The following SAXO1 variants were observed in gnomAD, a reference collection of about 807,000 sequenced individuals.
SAXO1 encodes the protein stabilizer of axonemal microtubules 1, also known as 4930500O09Rik.
A neutral mutation model predicts 17.5 loss-of-function variants in SAXO1; 21 were observed. The observed-to-expected ratio is 1.20, with a 90% confidence interval of 0.85 to 1.72. The LOEUF is 1.72. Ranked by LOEUF, SAXO1 falls within the 40% of genes most tolerant of loss-of-function variation. The probability of loss-of-function intolerance (pLI) is 0.00; values close to 1 mark genes in which losing one functional copy is unlikely to be tolerated. For synonymous variants in SAXO1, 274 were observed against 216.5 expected, an observed-to-expected ratio of 1.27 and a Z score of -2.33; for missense variants, 843 against 596.0, an observed-to-expected ratio of 1.41 and a Z score of -4.32.
chr9:19,040,969 A>G (rs778822632), intron 1 of SAXO1, among the ~76,000 whole-genome samples: 30 of 148,672 alleles, frequency 2.0e-4, no homozygotes, highest in Non-Finnish European at 2.8e-4. Context: ...TTCAGAATAA[A>G]GGGCATCCAA....
intron 1 of SAXO1, among the ~76,000 whole-genome samples, chr9:18,993,084 G>T (rs1833871939): frequency 6.6e-6 from 1 of 151,984 alleles, no homozygotes; most frequent in Non-Finnish European, 1.5e-5. Flanking sequence ...ACTGGTGTGG[G>T]CCACCATGCC....
At chr9:19,031,203 T>G (rs1162644400) in intron 1 of SAXO1, among the ~76,000 whole-genome samples, 1 of 152,236 alleles carries the variant, frequency 6.6e-6, no homozygotes, top group Non-Finnish European at 1.5e-5. Flanking sequence ...ATGGAGACTA[T>G]GTCTTATACA....
chr9:18,928,096 C>A lies in SAXO1; in HGVS notation c.1381G>T (p.Asp461Tyr). 1.9e-6 allele frequency: 3 copies of A among 1,612,552 alleles called. No homozygotes were observed. In the East Asian group the frequency reaches 6.7e-5, roughly 36 times the overall value. ...SQQSSHLSVD[D>Y]SENPNQRELE... ...TCCCTCTGGTTGGGGTTTTCTGAAT[C>A]ATCTACAGAAAGATGGCTGCTCTGC... The change falls in exon 4 of 4, where the codon GAT (aspartate) becomes TAT (tyrosine). Residue 461 changes from aspartate to tyrosine, a missense_variant. Transcript: ENST00000380534.
In SAXO1 at chr9:18,928,238, A is replaced by G. The variant is rs1215688684; in HGVS notation, c.1239T>C (p.Thr413=). 6.2e-7 allele frequency: 1 copy of G among 1,614,102 alleles called. No individual in the cohort carries two copies. The highest frequency in any genetic ancestry group is 1.1e-5 in the South Asian group (1 of 91,068). The change falls in exon 4 of 4, where the codon ACT becomes ACC. Residue 413 remains threonine, a synonymous_variant. Transcript: ENST00000380534. The stretch of plus-strand genomic sequence containing the variant: ...CTAGGCACCTGCCCATTTCCTTGGG[A>G]GTAAAGCTGATGGTGTAGGTGGTCT... ...ESQTTYTISF[T]PKEMGRCLAS... is the part of the protein sequence containing the mutation.
intron 1 of SAXO1, among the ~76,000 whole-genome samples, chr9:18,986,131 T>G (rs1175706571): frequency 1.3e-5 from 2 of 152,228 alleles, no homozygotes; most frequent in Non-Finnish European, 2.9e-5. Context: ...GGTCCTTCTG[T>G]GATAATATGC....
chr9:18,928,748 G>C lies in SAXO1; in HGVS notation c.729C>G (p.Ser243=), dbSNP rs1830900876. The C allele has an allele frequency of 6.2e-7, 1 of 1,614,142 alleles. No individual in the cohort carries two copies. The highest frequency in any genetic ancestry group is 8.5e-7 in the Non-Finnish European group (1 of 1,180,026). The stretch of plus-strand genomic sequence containing the variant: ...CAGGCTCCCCCATCAGGCCCCGGTA[G>C]GATTGTTTTTGAGTGGTAAGGCTTT... ...PFESLTTQKQ[S]YRGLMGEPAK... is the part of the protein sequence containing the mutation. The change falls in exon 4 of 4, where the codon TCC becomes TCG. Residue 243 remains serine (S), a synonymous_variant. Transcript: ENST00000380534.
At chr9:18,968,125 A>G (rs550006484) in intron 1 of SAXO1, among the ~76,000 whole-genome samples, 8 of 152,318 alleles carry the variant, frequency 5.3e-5, no homozygotes, top group African/African-American at 1.7e-4. Flanking sequence ...CTCAGTTGGA[A>G]ATGCAGAAAT....
chr9:19,005,449 G>C (rs1372203996), intron 1 of SAXO1, among the ~76,000 whole-genome samples: 1 of 152,150 alleles, frequency 6.6e-6, no homozygotes, highest in Non-Finnish European at 1.5e-5. Flanking sequence ...CAGTGGTATA[G>C]AATAGAGCCC....
chr9:19,031,899 C>A (rs1053712266), intron 1 of SAXO1, among the ~76,000 whole-genome samples: 2 of 152,166 alleles, frequency 1.3e-5, no homozygotes, highest in Admixed American at 1.3e-4. Context: ...CCCTTTAATT[C>A]TCCACACTAC....
At chr9:19,027,861 T>C in intron 1 of SAXO1, 3 of 1,365,070 alleles carry the variant, frequency 2.2e-6, no homozygotes, top group Non-Finnish European at 3.1e-6. Context: ...CCCGCCCTGC[T>C]ACGCTAGGGC....
chr9:18,988,913 T>C lies in SAXO1; in HGVS notation c.39-37976A>G, dbSNP rs149823018. Among the ~76,000 whole-genome samples, 8 of 152,302 alleles carry C rather than the reference T, an allele frequency of 5.3e-5. No individual in the cohort carries two copies. The East Asian group carries it at 1.2e-3, about 22-fold the overall frequency. On this transcript the variant is annotated intron_variant, in intron 1 of 3. Coordinates refer to ENST00000380534, the MANE Select transcript of SAXO1 (RefSeq NM_153707.4). ...ACCCAAATCATGGTGTACCTGAGCA[T>C]AGTTTGTGAAAATAATTATTAATCA...
chr9:18,966,952 T>C (rs558478045), intron 1 of SAXO1, among the ~76,000 whole-genome samples: 1 of 152,360 alleles, frequency 6.6e-6, no homozygotes, highest in East Asian at 1.9e-4. Context: ...TTTGTTGATA[T>C]TGATGCTATT....
intron 1 of SAXO1, among the ~76,000 whole-genome samples, chr9:18,997,369 G>T (rs549013287): frequency 1.3e-5 from 2 of 152,370 alleles, no homozygotes; most frequent in East Asian, 3.9e-4. Flanking sequence ...ATCAACCTGG[G>T]ATGCTGGAGT....
At chr9:19,041,025 G>A (rs1189656062) in intron 1 of SAXO1, among the ~76,000 whole-genome samples, 1 of 151,482 alleles carries the variant, frequency 6.6e-6, no homozygotes, top group East Asian at 1.9e-4. Context: ...CAGATGATAT[G>A]TTCTTATATT....
intron 1 of SAXO1, among the ~76,000 whole-genome samples, chr9:18,990,660 C>G (rs369847825): frequency 6.6e-6 from 1 of 152,168 alleles, no homozygotes; most frequent in Non-Finnish European, 1.5e-5. Flanking sequence ...GAGTGGCAGG[C>G]GAGCAAGTGA....
intron 1 of SAXO1, among the ~76,000 whole-genome samples, chr9:19,025,538 T>C (rs1468814179): frequency 6.6e-6 from 1 of 152,216 alleles, no homozygotes; most frequent in Non-Finnish European, 1.5e-5. Context: ...TGAGATCACC[T>C]TCCTCCACAA....
chr9:18,943,495 A>G (rs187529712), intron 2 of SAXO1, among the ~76,000 whole-genome samples: 2 of 152,332 alleles, frequency 1.3e-5, no homozygotes, highest in Admixed American at 1.3e-4. Context: ...TAAGAGGGTA[A>G]GTCCTTAGGC....
intron 1 of SAXO1, among the ~76,000 whole-genome samples, chr9:18,999,850 G>A (rs1458191934): frequency 2.1e-4 from 29 of 139,356 alleles, no homozygotes; most frequent in African/African-American, 6.7e-4. Context: ...CTGCCCAGCC[G>A]CCACAACATC....
intron 3 of SAXO1, among the ~76,000 whole-genome samples, chr9:18,937,433 G>A (rs934882503): frequency 1.3e-5 from 2 of 152,204 alleles, no homozygotes; most frequent in African/African-American, 4.8e-5. Flanking sequence ...GAATACAGAT[G>A]TTGGGCATTC....
Sources: gnomAD v4.1 joint callset for allele counts (sites outside exome capture counted in the v4.1 genomes callset) on GRCh38, gnomAD v4.1.1 for gene constraint, MANE v1.5 for transcripts, NCBI Gene and HGNC (gene_info 2026-07-23, HGNC 2026-07-21) for gene names.